Variants in CNTNAP2 observed in about 807,000 individuals in gnomAD.
CNTNAP2 encodes contactin-associated protein-like 2.
A neutral mutation model predicts 155.2 loss-of-function variants in CNTNAP2; 98 were observed. The observed-to-expected ratio is 0.63, with a 90% CI of 0.54 to 0.75. The LOEUF (loss-of-function observed/expected upper bound fraction) is 0.75. Ranked by LOEUF, CNTNAP2 falls within the 30% of genes least tolerant of loss-of-function variation. CNTNAP2 has a pLI of 0.00. For synonymous variants in CNTNAP2, 651 were observed against 631.2 expected (o/e 1.03, Z -0.47); for missense variants, 1,727 against 1,688.1 (o/e 1.02, Z -0.40).
chr7:147,253,107 G>C (rs1804236917), intron 8 of CNTNAP2, among the ~76,000 whole-genome samples: 1 of 152,190 alleles, frequency 6.6e-6, no homozygotes, highest in Non-Finnish European at 1.5e-5. Context: ...AACATGCCTA[G>C]TCCAGGTCGT....
chr7:146,303,984 G>C (rs1175670824), intron 1 of CNTNAP2, among the ~76,000 whole-genome samples: 1 of 151,944 alleles, frequency 6.6e-6, no homozygotes, highest in East Asian at 1.9e-4. Flanking sequence ...AGGATAGTTA[G>C]CTCTTCTTGT....
At chr7:147,473,404 A>G (rs1275799377) in intron 10 of CNTNAP2, among the ~76,000 whole-genome samples, 1 of 152,180 alleles carries the variant, frequency 6.6e-6, no homozygotes, top group Non-Finnish European at 1.5e-5. Flanking sequence ...TAGGACACAG[A>G]GCTCATGCCC....
intron 1 of CNTNAP2, among the ~76,000 whole-genome samples, chr7:146,681,020 A>G (rs1480387054): frequency 6.6e-6 from 1 of 152,180 alleles, no homozygotes; most frequent in East Asian, 1.9e-4. Flanking sequence ...TACAGAAGCC[A>G]GAGCTACTAA....
At chr7:148,018,509 C>G (rs181847357) in intron 15 of CNTNAP2, among the ~76,000 whole-genome samples, 1 of 152,074 alleles carries the variant, frequency 6.6e-6, no homozygotes, top group Non-Finnish European at 1.5e-5. Flanking sequence ...CACAATGAAC[C>G]AGAAGTGTAT....
chr7:147,148,316 G>A (rs1035461929), intron 8 of CNTNAP2, among the ~76,000 whole-genome samples: 8 of 150,278 alleles, frequency 5.3e-5, no homozygotes, highest in African/African-American at 2.0e-4. Flanking sequence ...CGTGAACCCG[G>A]GAGGCGGAGC....
At position 148,414,647 on chromosome 7, in the gene CNTNAP2, T is replaced by G. The variant is rs566939469; in HGVS notation, c.3797-770T>G. ...GACATTTTGCTACATTTTTTTTCTC[T>G]GAATTATTTTTCTCTGCAGCTTGAC... On this transcript the variant is annotated intron_variant, in intron 23 of 23. Coordinates refer to ENST00000361727, the MANE Select transcript of CNTNAP2 (RefSeq NM_014141.6). 2.0e-5 allele frequency: 3 copies of G among 152,454 alleles called. No individual in the cohort carries two copies. In the East Asian group the frequency reaches 5.8e-4, roughly 29 times the overall value. 9.4% of individuals were successfully genotyped at this position (152,454 alleles called of 1,614,324 possible). A position where few individuals can be genotyped will look rare whatever the true frequency, so the allele number is the denominator to read the frequency against.
At chr7:147,659,062 C>CA (rs913214700) in intron 13 of CNTNAP2, among the ~76,000 whole-genome samples, 13 of 152,124 alleles carry the variant, frequency 8.5e-5, no homozygotes, top group African/African-American at 3.1e-4. Context: ...ATCTCTGTGG[C>CA]AAAAAGTTTT....
intron 1 of CNTNAP2, among the ~76,000 whole-genome samples, chr7:146,615,668 T>C (rs964474395): frequency 6.6e-6 from 1 of 152,174 alleles, no homozygotes; most frequent in Non-Finnish European, 1.5e-5. Flanking sequence ...GAAGGGCAAA[T>C]GGAAATGCAT....
chr7:148,292,416 A>C (rs1797204454), intron 21 of CNTNAP2, among the ~76,000 whole-genome samples: 1 of 152,242 alleles, frequency 6.6e-6, no homozygotes, highest in South Asian at 2.1e-4. Flanking sequence ...CAAAGAGGTT[A>C]AAGCTGATGG....
chr7:146,167,801 A>G (rs944311511), intron 1 of CNTNAP2, among the ~76,000 whole-genome samples: 17 of 152,160 alleles, frequency 1.1e-4, no homozygotes, highest in African/African-American at 3.9e-4. Flanking sequence ...GACTCACACG[A>G]TCACAAGGTG....
At chr7:146,851,761 C>T (rs1358983912) in intron 3 of CNTNAP2, among the ~76,000 whole-genome samples, 1 of 150,860 alleles carries the variant, frequency 6.6e-6, no homozygotes, top group Non-Finnish European at 1.5e-5. Context: ...TAGCTTACTG[C>T]AAGGTCCAAC....
At chr7:147,121,331 C>T in intron 6 of CNTNAP2, 168 bp downstream of exon 6, 1 of 652,086 alleles carries the variant, frequency 1.5e-6, no homozygotes, top group South Asian at 2.0e-5. Context: ...CATTTTATTT[C>T]TAAATTTATA....
rs1023068713 is a variant in CNTNAP2, at chr7:146,899,769, T to A, written c.402+59865T>A. 2.0e-5 allele frequency among the ~76,000 whole-genome samples: 3 copies of A among 152,176 alleles called. No homozygotes were observed. In the South Asian group the frequency reaches 6.2e-4, roughly 31 times the overall value. ...CACCAACATCTGGAGGACCCAAAGT[T>A]AGCTAAGGAGCAGATAATCTCAAGG... On this transcript the variant is annotated intron_variant, in intron 3 of 23. Transcript: ENST00000361727.
chr7:146,193,017 G>A (rs1338599503), intron 1 of CNTNAP2, among the ~76,000 whole-genome samples: 1 of 152,176 alleles, frequency 6.6e-6, no homozygotes, highest in East Asian at 1.9e-4. Context: ...AAATCTTAAA[G>A]CTCCAAAATG....
chr7:146,428,898 T>C (rs773243622), intron 1 of CNTNAP2, among the ~76,000 whole-genome samples: 5 of 152,176 alleles, frequency 3.3e-5, no homozygotes, highest in Non-Finnish European at 5.9e-5. Flanking sequence ...TATATTTTAG[T>C]ATTTAATCTC....
intron 1 of CNTNAP2, among the ~76,000 whole-genome samples, chr7:146,166,196 C>T (rs138741143): frequency 0.033 from 5,030 of 152,054 alleles, 279 homozygotes; most frequent in African/African-American, 0.12. Context: ...TGTGTTCAGG[C>T]GATTCTCCTG....
At chr7:146,489,974 T>C (rs930215597) in intron 1 of CNTNAP2, among the ~76,000 whole-genome samples, 2 of 152,122 alleles carry the variant, frequency 1.3e-5, no homozygotes, top group African/African-American at 4.8e-5. Flanking sequence ...GGTAGGTATA[T>C]GTAAAATCAG....
intron 3 of CNTNAP2, among the ~76,000 whole-genome samples, chr7:147,011,883 G>C (rs576229537): frequency 3.3e-5 from 5 of 152,172 alleles, no homozygotes; most frequent in Non-Finnish European, 7.3e-5. Context: ...GCATAGAGAG[G>C]CCAAGAAGAA....
At chr7:147,786,189 C>T (rs866151337) in intron 13 of CNTNAP2, among the ~76,000 whole-genome samples, 2 of 152,220 alleles carry the variant, frequency 1.3e-5, no homozygotes, top group Non-Finnish European at 2.9e-5. Context: ...AGAAGAATCA[C>T]TTGAACCCAG....
Sources: allele counts gnomAD v4.1 joint callset (sites outside exome capture counted in the v4.1 genomes callset), GRCh38; gene constraint gnomAD v4.1.1; transcripts MANE v1.5; gene names NCBI Gene and HGNC (gene_info 2026-07-23, HGNC 2026-07-21).